The following LTBP1 variants were observed in gnomAD, a reference collection of about 807,000 sequenced individuals.
LTBP1 encodes latent-transforming growth factor beta-binding protein 1.
In LTBP1, 129 loss-of-function variants were observed where a neutral mutation model predicts 207.6. The ratio of observed to expected loss-of-function variants is 0.62; its 90% CI spans 0.54 to 0.72. LTBP1 has a LOEUF of 0.72. Ranked by LOEUF, LTBP1 falls within the 30% of genes least tolerant of loss-of-function variation. LTBP1 has a pLI of 0.00. For synonymous variants in LTBP1, 963 were observed against 833.7 expected (o/e 1.16, Z -2.67); for missense variants, 2,281 against 2,217.2 (o/e 1.03, Z -0.58).
intron 19 of LTBP1, among the ~76,000 whole-genome samples, chr2:33,290,745 A>G (rs2093757608): frequency 6.6e-6 from 1 of 152,192 alleles, no homozygotes; most frequent in African/African-American, 2.4e-5. Flanking sequence ...AGATAATGGT[A>G]CTAGATATTG....
At chr2:33,152,084 A>G (rs1572877075) in intron 5 of LTBP1, among the ~76,000 whole-genome samples, 1 of 152,202 alleles carries the variant, frequency 6.6e-6, no homozygotes, top group African/African-American at 2.4e-5. Context: ...TAATTAAACT[A>G]AAGAACTTTT....
In LTBP1 at chr2:33,300,945, A is replaced by T. The variant is rs913279475; in HGVS notation, c.3358+372A>T. ...TATATCGGGCTGCTTTATGCTGTGG[A>T]ATGTTAATAACCTTAATTTTTGTAT... On this transcript the variant is annotated intron_variant, in intron 21 of 33. Coordinates refer to ENST00000404816, the MANE Select transcript of LTBP1 (RefSeq NM_206943.4). Among the ~76,000 whole-genome samples, 11 of 152,172 alleles carry T rather than the reference A, an allele frequency of 7.2e-5. 1 individual carries two copies. Among genetic ancestry groups the T allele is most frequent in the Non-Finnish European group, 1.6e-4 (11 of 68,024 alleles).
intron 24 of LTBP1, among the ~76,000 whole-genome samples, chr2:33,333,441 G>T (rs1322595182): frequency 6.6e-6 from 1 of 152,170 alleles, no homozygotes; most frequent in Non-Finnish European, 1.5e-5. Context: ...CACACATATT[G>T]GTAGCTCAGG....
chr2:33,292,367 G>T (rs2093791035), intron 19 of LTBP1, among the ~76,000 whole-genome samples: 1 of 152,146 alleles, frequency 6.6e-6, no homozygotes, highest in Non-Finnish European at 1.5e-5. Context: ...TTACAGTCAG[G>T]TTAAAAGGAT....
intron 11 of LTBP1, among the ~76,000 whole-genome samples, chr2:33,255,266 T>A (rs1374355579): frequency 6.6e-6 from 1 of 152,102 alleles, no homozygotes; most frequent in East Asian, 1.9e-4. Flanking sequence ...CTCATCATTT[T>A]TTATGGCTGC....
intron 2 of LTBP1, among the ~76,000 whole-genome samples, chr2:32,982,635 A>G (rs945474624): frequency 1.3e-5 from 2 of 152,166 alleles, no homozygotes; most frequent in African/African-American, 4.8e-5. Context: ...CCCCTGCTGT[A>G]TGCAGGCTAA....
At chr2:33,390,446 G>C (rs909244205) in intron 32 of LTBP1, among the ~76,000 whole-genome samples, 3 of 152,074 alleles carry the variant, frequency 2.0e-5, no homozygotes, top group African/African-American at 7.2e-5. Flanking sequence ...TGAGAGCCTC[G>C]TCCACAGCTC....
chr2:33,144,175 G>A (rs947234178), intron 5 of LTBP1, among the ~76,000 whole-genome samples: 2 of 151,942 alleles, frequency 1.3e-5, no homozygotes. Context: ...CAGAGACAGT[G>A]GTTGCTTTAT....
At chr2:33,334,598 C>T (rs1400464602) in intron 24 of LTBP1, among the ~76,000 whole-genome samples, 4 of 152,064 alleles carry the variant, frequency 2.6e-5, no homozygotes, top group African/African-American at 9.7e-5. Context: ...AAGGATGACT[C>T]CCACATTTTT....
chr2:33,131,603 T>C (rs1431500216), intron 4 of LTBP1, among the ~76,000 whole-genome samples: 2 of 152,238 alleles, frequency 1.3e-5, no homozygotes, highest in Non-Finnish European at 2.9e-5. Context: ...TAAAGCTAAT[T>C]ATAATGAAGA....
rs765066237 is a variant in LTBP1, at chr2:33,300,593, A to G, written c.3358+20A>G. On this transcript the variant is annotated intron_variant, in intron 21 of 33. Coordinates refer to ENST00000404816, the MANE Select transcript of LTBP1 (RefSeq NM_206943.4). The stretch of plus-strand genomic sequence containing the variant: ...GTGAAGGTAAGAGGGTAGTAACATG[A>G]ACTACTGAAACTTCAGCTTAAAGCA... 4.4e-6 allele frequency: 7 copies of G among 1,603,026 alleles called. No individual in the cohort carries two copies. In the African/African-American group the frequency reaches 8.0e-5, roughly 18 times the overall value.
At chr2:33,141,512 A>G (rs1341459085) in intron 5 of LTBP1, among the ~76,000 whole-genome samples, 1 of 152,230 alleles carries the variant, frequency 6.6e-6, no homozygotes, top group African/African-American at 2.4e-5. Flanking sequence ...ATTACCAAAA[A>G]TATACTGTAA....
chr2:33,297,334 C>CT lies in LTBP1; in HGVS notation c.3236-3109dup, dbSNP rs998222848. Reference sequence around the variant, plus strand: ...CTCTAGTAGGAAGCATTATTGTTCCCTTTTTTTTGCAGATGAGAAAGCTCA... The same window carrying CT: ...CTCTAGTAGGAAGCATTATTGTTCCCTTTTTTTTTGCAGATGAGAAAGCTCA... On this transcript the variant is annotated intron_variant, in intron 20 of 33. Transcript: ENST00000404816. Among the ~76,000 whole-genome samples, 5 of 151,866 alleles carry CT rather than the reference C, an allele frequency of 3.3e-5. No individual in the cohort carries two copies. The East Asian group carries it at 5.8e-4, about 18-fold the overall frequency.
intron 3 of LTBP1, among the ~76,000 whole-genome samples, chr2:33,039,249 A>G (rs1241951392): frequency 2.6e-5 from 4 of 152,112 alleles, no homozygotes; most frequent in African/African-American, 9.7e-5. Flanking sequence ...AGGGGTAGGA[A>G]AGGGGCAAAT....
At position 33,007,505 on chromosome 2, in the gene LTBP1, T is replaced by C. The variant is rs1687094225; in HGVS notation, c.566-13404T>C. Among the ~76,000 whole-genome samples the C allele has an allele frequency of 2.0e-5, 3 of 152,350 alleles. No homozygotes were observed. The South Asian group carries it at 6.2e-4, about 32-fold the overall frequency. On this transcript the variant is annotated intron_variant, in intron 2 of 33. Coordinates refer to ENST00000404816, the MANE Select transcript of LTBP1 (RefSeq NM_206943.4). Reference sequence around the variant, plus strand: ...AGCCTTGAGCATGAGAACACTCACGTAGCATTTTATTTTAGCTTAATGCTG... The same window carrying C: ...AGCCTTGAGCATGAGAACACTCACGCAGCATTTTATTTTAGCTTAATGCTG...
chr2:32,968,246 G>A (rs536637901), intron 2 of LTBP1, among the ~76,000 whole-genome samples: 1 of 152,164 alleles, frequency 6.6e-6, no homozygotes, highest in South Asian at 2.1e-4. Context: ...GATTACAGGC[G>A]TGAGCCACCA....
At chr2:33,180,671 G>A (rs925979295) in intron 5 of LTBP1, among the ~76,000 whole-genome samples, 1 of 152,042 alleles carries the variant, frequency 6.6e-6, no homozygotes, top group African/African-American at 2.4e-5. Flanking sequence ...GACCAGGCTG[G>A]TCTTGAACTC....
At chr2:33,133,142 A>G (rs1176492384) in intron 4 of LTBP1, among the ~76,000 whole-genome samples, 1 of 152,198 alleles carries the variant, frequency 6.6e-6, no homozygotes, top group Non-Finnish European at 1.5e-5. Context: ...CTGGGGCCCC[A>G]TTCCAACCCT....
chr2:33,279,859 C>T (rs1271278444), intron 18 of LTBP1, among the ~76,000 whole-genome samples, 180 bp from the exon 19 acceptor site: 1 of 152,164 alleles, frequency 6.6e-6, no homozygotes, highest in Non-Finnish European at 1.5e-5. Flanking sequence ...TCCAGGTATG[C>T]TTGACCATGC....
Sources: allele counts gnomAD v4.1 joint callset (sites outside exome capture counted in the v4.1 genomes callset), GRCh38; gene constraint gnomAD v4.1.1; transcripts MANE v1.5; gene names NCBI Gene and HGNC (gene_info 2026-07-23, HGNC 2026-07-21).